RARB: variants seen among roughly 807,000 people sequenced by gnomAD.
RARB encodes the protein retinoic acid receptor beta, also known as HBV-activated protein.
Under a neutral mutation model 51.9 loss-of-function variants are expected in RARB, and 17 were observed. The observed-to-expected ratio is 0.33, with a 90% CI of 0.22 to 0.49. The LOEUF (loss-of-function observed/expected upper bound fraction) is 0.49. Among genes scored for constraint, RARB ranks in the 20% least tolerant of loss-of-function variants. The pLI is 0.99. For synonymous variants in RARB, 215 were observed against 195.4 expected, an observed-to-expected ratio of 1.10 and a Z score of -0.84; for missense variants, 369 against 550.8, an observed-to-expected ratio of 0.67 and a Z score of 3.30.
Position 25,428,371 on chromosome 3 carries a change from AGAACGCGAGCGATCCG to A in RARB, c.-360_-345del. 2.4e-6 allele frequency: 3 copies of A among 1,249,084 alleles called. No individual in the cohort carries two copies. Among genetic ancestry groups the A allele is most frequent in the Non-Finnish European group, 3.0e-6 (3 of 998,094 alleles). The allele number at this position is 1,249,084 out of a possible 1,614,324, so 77.4% of individuals were successfully genotyped here. On this transcript the variant is annotated 5_prime_UTR_variant, in exon 1 of 8. The change abolishes the stop of an existing upstream ORF in the 5' untranslated region. Transcript: ENST00000330688. Reference sequence around the variant, plus strand: ...GAGCTGTTTGAGGACTGGGATGCCGAGAACGCGAGCGATCCGAGCAGGGTTTGTCTGGGCACCGTCG... The same window carrying A: ...GAGCTGTTTGAGGACTGGGATGCCGAAGCAGGGTTTGTCTGGGCACCGTCG...
chr3:24,992,707 G>A (rs576168555), intron 2 of RARB, among the ~76,000 whole-genome samples: 5 of 152,170 alleles, frequency 3.3e-5, no homozygotes, highest in Admixed American at 2.0e-4. Context: ...GTGTCTTCCC[G>A]TTTCCCTCTG....
chr3:25,471,792 T>C (rs1695711034), intron 2 of RARB, among the ~76,000 whole-genome samples: 1 of 152,244 alleles, frequency 6.6e-6, no homozygotes, highest in Non-Finnish European at 1.5e-5. Flanking sequence ...TCTGCTATTA[T>C]TGCAATTATC....
chr3:24,904,248 G>A (rs1029900855), intron 2 of RARB, among the ~76,000 whole-genome samples: 36 of 152,090 alleles, frequency 2.4e-4, no homozygotes, highest in African/African-American at 8.7e-4. Context: ...TAATGTGTGT[G>A]TTAGTCTGAG....
At chr3:24,942,014 G>A (rs569712722) in intron 2 of RARB, among the ~76,000 whole-genome samples, 4 of 152,220 alleles carry the variant, frequency 2.6e-5, no homozygotes, top group Non-Finnish European at 5.9e-5. Context: ...CCACAGCACA[G>A]AAATGATTTG....
intron 3 of RARB, among the ~76,000 whole-genome samples, chr3:25,566,520 C>T (rs1700503306): frequency 6.6e-6 from 1 of 152,302 alleles, no homozygotes; most frequent in Admixed American, 6.5e-5. Flanking sequence ...TTGCAAACGG[C>T]GTGTGTGATC....
chr3:24,913,207 A>G (rs990530515), intron 2 of RARB, among the ~76,000 whole-genome samples: 3 of 151,408 alleles, frequency 2.0e-5, no homozygotes, highest in Non-Finnish European at 2.9e-5. Flanking sequence ...GATGGTCTCG[A>G]TCTCCTGACC....
At chr3:25,361,141 A>C (rs1053979306) in intron 5 of RARB, among the ~76,000 whole-genome samples, 2 of 152,138 alleles carry the variant, frequency 1.3e-5, no homozygotes, top group African/African-American at 4.8e-5. Flanking sequence ...TGGTCTTTTC[A>C]CATAGTCCCA....
At chr3:24,969,828 C>G (rs143696839) in intron 2 of RARB, among the ~76,000 whole-genome samples, 1 of 152,086 alleles carries the variant, frequency 6.6e-6, no homozygotes, top group Non-Finnish European at 1.5e-5. Flanking sequence ...TACACCATTA[C>G]AGTTTCATTG....
At chr3:24,961,408 C>G (rs1040069765) in intron 2 of RARB, among the ~76,000 whole-genome samples, 2 of 152,202 alleles carry the variant, frequency 1.3e-5, no homozygotes, top group Non-Finnish European at 2.9e-5. Flanking sequence ...CATCACTCAG[C>G]TTCATGGATA....
intron 3 of RARB, among the ~76,000 whole-genome samples, chr3:25,557,087 C>CT (rs1700090173): frequency 6.6e-6 from 1 of 150,918 alleles, no homozygotes; most frequent in Admixed American, 6.6e-5. Context: ...TTAGAGTAAA[C>CT]TTGAAAGAAG....
At position 25,304,793 on chromosome 3, in the gene RARB, C is replaced by A. The variant is rs751241469; in HGVS notation, c.178+130218C>A. ...TTACAATGCAAGTCAAGTCATGTCC[C>A]TCCCTATTCAAAGCTCTCTAATGGC... On this transcript the variant is annotated intron_variant, in intron 5 of 11. Coordinates refer to the RARB transcript ENST00000383772. Among the ~76,000 whole-genome samples the A allele has an allele frequency of 3.0e-4, 46 of 152,182 alleles. 1 individual carries two copies. The highest frequency in any genetic ancestry group is 3.3e-4 in the Admixed American group (5 of 15,278).
intron 2 of RARB, among the ~76,000 whole-genome samples, chr3:25,005,485 A>C (rs965022015): frequency 6.6e-6 from 1 of 152,166 alleles, no homozygotes; most frequent in Non-Finnish European, 1.5e-5. Flanking sequence ...TTGTAGGCAG[A>C]AAGTTCCTCA....
In RARB at chr3:25,304,630, G is replaced by A. The variant is rs529066668; in HGVS notation, c.178+130055G>A. ...TAAAGTCATCCAGAATCTAACCACT[G>A]ATTCCGACTTCCACCACTACCGCGC... On this transcript the variant is annotated intron_variant, in intron 5 of 11. Transcript: ENST00000383772. Among the ~76,000 whole-genome samples the A allele has an allele frequency of 1.8e-4, 27 of 152,122 alleles. 1 individual carries two copies. In the South Asian group the frequency reaches 5.6e-3, roughly 32 times the overall value.
At chr3:24,918,240 C>A (rs1055596889) in intron 2 of RARB, among the ~76,000 whole-genome samples, 1 of 152,226 alleles carries the variant, frequency 6.6e-6, no homozygotes, top group Non-Finnish European at 1.5e-5. Context: ...ATTACTAATA[C>A]ATGCTGGTTG....
At chr3:25,360,191 C>A (rs570591212) in intron 5 of RARB, among the ~76,000 whole-genome samples, 105 of 152,160 alleles carry the variant, frequency 6.9e-4, no homozygotes, top group Admixed American at 1.5e-3. Context: ...TAGGAGAGTT[C>A]GCTCTTCTTG....
intron 3 of RARB, among the ~76,000 whole-genome samples, chr3:25,119,477 G>T (rs6781085): frequency 0.03 from 4,541 of 152,114 alleles, 190 homozygotes; most frequent in African/African-American, 0.097. Flanking sequence ...AGAGAACTTA[G>T]GATAGTCCTT....
At chr3:25,292,040 C>T (rs1186480258) in intron 5 of RARB, among the ~76,000 whole-genome samples, 1 of 146,758 alleles carries the variant, frequency 6.8e-6, no homozygotes, top group African/African-American at 2.4e-5. Context: ...AGTGAGTCTT[C>T]CTCCCACTTT....
chr3:24,870,941 T>C (rs531507391), intron 2 of RARB, among the ~76,000 whole-genome samples: 1 of 152,212 alleles, frequency 6.6e-6, no homozygotes, highest in African/African-American at 2.4e-5. Context: ...TTATTGTTGA[T>C]TATAGTAACC....
chr3:24,953,042 A>C (rs1695932383), intron 2 of RARB, among the ~76,000 whole-genome samples: 1 of 152,188 alleles, frequency 6.6e-6, no homozygotes, highest in Admixed American at 6.5e-5. Context: ...CTTGTTTAGT[A>C]TTAAATGAAC....
Sources: gnomAD v4.1 joint callset for allele counts (sites outside exome capture counted in the v4.1 genomes callset) on GRCh38, gnomAD v4.1.1 for gene constraint, MANE v1.5 for transcripts, NCBI Gene and HGNC (gene_info 2026-07-23, HGNC 2026-07-21) for gene names.